The following SORCS3 variants were observed in gnomAD, a reference collection of about 807,000 sequenced individuals.
The protein encoded by SORCS3 is VPS10 domain-containing receptor SorCS3.
SORCS3 carries 57 observed loss-of-function variants against 146.3 expected under a neutral mutation model. The ratio of observed to expected loss-of-function variants is 0.39; its 90% confidence interval spans 0.31 to 0.49. The LOEUF (loss-of-function observed/expected upper bound fraction) is 0.49. Ranked by LOEUF, SORCS3 falls within the 20% of genes least tolerant of loss-of-function variation. The pLI, the probability that SORCS3 is intolerant of heterozygous loss-of-function variation, is 0.92. For missense variants in SORCS3, 1,341 were observed against 1,575.5 expected (o/e 0.85, Z 2.52); for synonymous variants, 653 against 618.5 (o/e 1.06, Z -0.83).
intron 12 of SORCS3, among the ~76,000 whole-genome samples, chr10:105,165,387 A>G (rs1274130664): frequency 1.3e-5 from 2 of 152,154 alleles, no homozygotes; most frequent in African/African-American, 2.4e-5. Flanking sequence ...CGTGGAGAAG[A>G]CAAGAGAAAG....
chr10:105,046,908 G>C (rs2055376068), intron 5 of SORCS3, among the ~76,000 whole-genome samples: 1 of 152,038 alleles, frequency 6.6e-6, no homozygotes, highest in African/African-American at 2.4e-5. Context: ...AACCTCAGCT[G>C]CTTCCGAAAT....
chr10:104,950,914 A>G (rs771478358), intron 3 of SORCS3, among the ~76,000 whole-genome samples: 15 of 152,202 alleles, frequency 9.9e-5, no homozygotes, highest in African/African-American at 3.4e-4. Flanking sequence ...CTCTAAATAT[A>G]AATTATTTCA....
chr10:104,760,373 T>G (rs1431661431), intron 1 of SORCS3, among the ~76,000 whole-genome samples: 1 of 152,186 alleles, frequency 6.6e-6, no homozygotes, highest in Admixed American at 6.5e-5. Context: ...AAACAATACC[T>G]CATTTATCTA....
intron 3 of SORCS3, among the ~76,000 whole-genome samples, chr10:104,933,306 A>ATT (rs57235182): frequency 5.2e-4 from 76 of 146,330 alleles, no homozygotes; most frequent in Admixed American, 1.0e-3. Context: ...TCCTCTGGCT[A>ATT]TTTTTTTTTT....
intron 1 of SORCS3, among the ~76,000 whole-genome samples, chr10:104,777,502 C>G (rs2133488686): frequency 6.6e-6 from 1 of 152,330 alleles, no homozygotes; most frequent in East Asian, 1.9e-4. Flanking sequence ...GCAACCTATT[C>G]TTTCCTACCT....
At chr10:105,122,784 G>A (rs1295803190) in intron 7 of SORCS3, among the ~76,000 whole-genome samples, 7 of 152,210 alleles carry the variant, frequency 4.6e-5, no homozygotes, top group Admixed American at 1.3e-4. Flanking sequence ...TATCCTGGAG[G>A]AGGCAAGGAT....
intron 3 of SORCS3, among the ~76,000 whole-genome samples, chr10:104,921,970 T>C (rs2019091748): frequency 6.6e-6 from 1 of 152,186 alleles, no homozygotes; most frequent in Non-Finnish European, 1.5e-5. Flanking sequence ...GAAGGATAAT[T>C]ACTTTCAGGC....
At chr10:104,765,010 A>G (rs2017163169) in intron 1 of SORCS3, among the ~76,000 whole-genome samples, 1 of 152,196 alleles carries the variant, frequency 6.6e-6, no homozygotes, top group Admixed American at 6.5e-5. Flanking sequence ...AGGTCAGGGA[A>G]GGTGGTGGGC....
At chr10:105,094,334 C>T (rs2055731061) in intron 6 of SORCS3, among the ~76,000 whole-genome samples, 1 of 152,210 alleles carries the variant, frequency 6.6e-6, no homozygotes, top group South Asian at 2.1e-4. Flanking sequence ...ATGCCAAAAA[C>T]TCACTGTGTG....
chr10:104,946,702 C>A (rs2019374630), intron 3 of SORCS3, among the ~76,000 whole-genome samples: 1 of 152,186 alleles, frequency 6.6e-6, no homozygotes, highest in Non-Finnish European at 1.5e-5. Flanking sequence ...CTGTGCCTCT[C>A]CCCACCTCCC....
At chr10:104,916,339 C>T (rs1589548287) in intron 3 of SORCS3, among the ~76,000 whole-genome samples, 2 of 152,164 alleles carry the variant, frequency 1.3e-5, no homozygotes, top group Non-Finnish European at 2.9e-5. Flanking sequence ...AGTCTTTCCA[C>T]AGCCTTCCTC....
intron 1 of SORCS3, among the ~76,000 whole-genome samples, chr10:104,675,997 A>G (rs999145621): frequency 1.3e-5 from 2 of 152,190 alleles, no homozygotes; most frequent in Non-Finnish European, 2.9e-5. Context: ...AGTGTTTCAT[A>G]CTTTTCAGTT....
chr10:104,734,086 G>A (rs1049519841), intron 1 of SORCS3, among the ~76,000 whole-genome samples: 1 of 152,174 alleles, frequency 6.6e-6, no homozygotes, highest in African/African-American at 2.4e-5. Flanking sequence ...GTCTCTGTGT[G>A]TGTGAGTAGA....
In SORCS3 at chr10:104,683,694, A is replaced by G. The variant is rs549339899; in HGVS notation, c.627+41740A>G. Among the ~76,000 whole-genome samples, 516 of 152,322 alleles carry G rather than the reference A, an allele frequency of 3.4e-3. 7 individuals are homozygous for G. The highest frequency in any genetic ancestry group is 0.022 in the South Asian group (108 of 4,826). Reference sequence around the variant, plus strand: ...GCTAGGTATGGGAGGGATTGGCCTTAGGACTTAGAAGTGACAGGCTCGCCA... The same window carrying G: ...GCTAGGTATGGGAGGGATTGGCCTTGGGACTTAGAAGTGACAGGCTCGCCA... On this transcript the variant is annotated intron_variant, in intron 1 of 26. Transcript: ENST00000369701.
chr10:104,899,099 T>A (rs1475742539), intron 2 of SORCS3, among the ~76,000 whole-genome samples: 3 of 152,214 alleles, frequency 2.0e-5, no homozygotes, highest in Non-Finnish European at 4.4e-5. Flanking sequence ...TCAGTAAACA[T>A]CTGTTGATTG....
At chr10:104,740,715 T>C (rs1393865099) in intron 1 of SORCS3, among the ~76,000 whole-genome samples, 1 of 152,202 alleles carries the variant, frequency 6.6e-6, no homozygotes, top group Non-Finnish European at 1.5e-5. Flanking sequence ...TTTTTGTTTG[T>C]TTGTTTCCTT....
chr10:104,816,321 TGC>T (rs2133523170), intron 1 of SORCS3, among the ~76,000 whole-genome samples: 3 of 152,372 alleles, frequency 2.0e-5, no homozygotes, highest in African/African-American at 7.2e-5. Flanking sequence ...TTCTTTAATC[TGC>T]TGAAAGCAAG....
At chr10:104,717,928 G>A (rs1373426310) in intron 1 of SORCS3, among the ~76,000 whole-genome samples, 1 of 151,820 alleles carries the variant, frequency 6.6e-6, no homozygotes, top group African/African-American at 2.4e-5. Context: ...ATCATCTCAG[G>A]TCAGGAGTTG....
intron 1 of SORCS3, among the ~76,000 whole-genome samples, chr10:104,695,860 A>G (rs1031766139): frequency 1.3e-5 from 2 of 150,348 alleles, no homozygotes; most frequent in African/African-American, 4.9e-5. Context: ...CCACCATTGC[A>G]TTAATTCACA....
Sources: allele counts gnomAD v4.1 joint callset (sites outside exome capture counted in the v4.1 genomes callset), GRCh38; gene constraint gnomAD v4.1.1; transcripts MANE v1.5; gene names NCBI Gene and HGNC (gene_info 2026-07-23, HGNC 2026-07-21).